Variants in TGFBR3 observed in about 807,000 individuals in gnomAD.
TGFBR3 encodes transforming growth factor beta receptor 3, also known as transforming growth factor beta receptor type 3.
A neutral mutation model predicts 87.9 loss-of-function variants in TGFBR3; 46 were observed. The observed-to-expected ratio is 0.52, with a 90% CI of 0.41 to 0.67. The LOEUF (loss-of-function observed/expected upper bound fraction) is 0.67. Ranked by LOEUF, TGFBR3 falls within the 30% of genes least tolerant of loss-of-function variation. TGFBR3 has a pLI of 0.00. For missense variants in TGFBR3, 866 were observed against 1,041.9 expected, an observed-to-expected ratio of 0.83 and a Z score of 2.32; for synonymous variants, 381 against 391.6, an observed-to-expected ratio of 0.97 and a Z score of 0.32.
intron 4 of TGFBR3, chr1:91,755,202 G>C (rs1673696155): frequency 6.6e-6 from 1 of 152,020 alleles, no homozygotes; most frequent in Admixed American, 6.5e-5. Flanking sequence ...TATACAAATG[G>C]ATAAAGAGAA....
intron 2 of TGFBR3, among the ~76,000 whole-genome samples, chr1:91,841,537 G>A (rs1677280755): frequency 6.6e-6 from 1 of 152,078 alleles, no homozygotes; most frequent in African/African-American, 2.4e-5. Flanking sequence ...GCTTACACCT[G>A]TAATCCCAGC....
intron 15 of TGFBR3, among the ~76,000 whole-genome samples, chr1:91,696,470 T>C (rs528870521): frequency 1.4e-4 from 21 of 152,324 alleles, no homozygotes; most frequent in Middle Eastern, 3.4e-3. Flanking sequence ...TACTTCCCAG[T>C]GGGGAGTGAT....
intron 1 of TGFBR3, among the ~76,000 whole-genome samples, chr1:91,904,583 A>C: frequency 1.1e-5 from 1 of 89,586 alleles, no homozygotes; most frequent in South Asian, 3.4e-4. Flanking sequence ...TTTTTTTTTG[A>C]GGTGGAGTCT....
chr1:91,883,191 G>C (rs1025137898), intron 1 of TGFBR3, among the ~76,000 whole-genome samples: 3 of 152,072 alleles, frequency 2.0e-5, no homozygotes, highest in Non-Finnish European at 4.4e-5. Flanking sequence ...TTTTTAAAGA[G>C]ATGGGGGTCT....
chr1:91,779,358 C>T (rs898967158), intron 3 of TGFBR3, among the ~76,000 whole-genome samples: 2 of 152,076 alleles, frequency 1.3e-5, no homozygotes, highest in African/African-American at 4.8e-5. Flanking sequence ...ATGATTATGC[C>T]CACATGAGGA....
At chr1:91,694,030 CT>C (rs1671349211) in intron 16 of TGFBR3, among the ~76,000 whole-genome samples, 2 of 152,296 alleles carry the variant, frequency 1.3e-5, no homozygotes, top group South Asian at 2.1e-4. Flanking sequence ...GAGACAACTT[CT>C]CTCTCTGTCG....
chr1:91,814,568 A>G (rs1306797821), intron 2 of TGFBR3, among the ~76,000 whole-genome samples: 2 of 152,150 alleles, frequency 1.3e-5, no homozygotes, highest in Admixed American at 1.3e-4. Context: ...ACAACTGACA[A>G]CCACAAGACA....
At chr1:91,741,630 GAGCCCCAGCCACCAGTC>G (rs1044380701) in intron 4 of TGFBR3, among the ~76,000 whole-genome samples, 1 of 152,086 alleles carries the variant, frequency 6.6e-6, no homozygotes, top group Non-Finnish European at 1.5e-5. Flanking sequence ...GGCTATCCAG[GAGCCCCAGCCACCAGTC>G]ATCTCACCAG....
chr1:91,684,473 T>C (rs1422638497), intron 16 of TGFBR3, among the ~76,000 whole-genome samples: 1 of 152,168 alleles, frequency 6.6e-6, no homozygotes, highest in Non-Finnish European at 1.5e-5. Flanking sequence ...GGTTTAGCTG[T>C]TTGCACATGG....
At chr1:91,865,322 A>G (rs1387608968) in intron 1 of TGFBR3, among the ~76,000 whole-genome samples, 2 of 150,756 alleles carry the variant, frequency 1.3e-5, no homozygotes, top group Admixed American at 1.3e-4. Context: ...AAAAAAAAAA[A>G]GTAGAAATAC....
At chr1:91,710,657 C>T (rs1571429202) in intron 13 of TGFBR3, among the ~76,000 whole-genome samples, 1 of 152,186 alleles carries the variant, frequency 6.6e-6, no homozygotes, top group Non-Finnish European at 1.5e-5. Context: ...AACAGCTCAT[C>T]CAAGCCTCTG....
chr1:91,727,272 C>T (rs555802208), intron 7 of TGFBR3, among the ~76,000 whole-genome samples: 44 of 152,326 alleles, frequency 2.9e-4, no homozygotes, highest in Admixed American at 5.2e-4. Context: ...AGCTGATATT[C>T]GGTACTATGA....
At chr1:91,904,966 C>T (rs1679814074) in intron 1 of TGFBR3, among the ~76,000 whole-genome samples, 1 of 152,144 alleles carries the variant, frequency 6.6e-6, no homozygotes. Flanking sequence ...TCCCAAAATG[C>T]TGGGATTACA....
At chr1:91,843,055 A>G (rs754559605) in intron 2 of TGFBR3, among the ~76,000 whole-genome samples, 1 of 152,228 alleles carries the variant, frequency 6.6e-6, no homozygotes, top group Non-Finnish European at 1.5e-5. Context: ...TTTAACAGCA[A>G]CATTATATTT....
At chr1:91,750,726 A>G (rs1358041507) in intron 4 of TGFBR3, among the ~76,000 whole-genome samples, 1 of 152,130 alleles carries the variant, frequency 6.6e-6, no homozygotes, top group Non-Finnish European at 1.5e-5. Context: ...GCAAAACACA[A>G]ACTGGTATAT....
intron 3 of TGFBR3, among the ~76,000 whole-genome samples, chr1:91,770,188 C>T (rs1674326643): frequency 6.6e-6 from 1 of 151,564 alleles, no homozygotes; most frequent in African/African-American, 2.4e-5. Context: ...TATCAAGTTA[C>T]CCTGCCCATG....
At chr1:91,899,550 T>C (rs999773097) in intron 2 of TGFBR3, 1 of 151,772 alleles carries the variant, frequency 6.6e-6, no homozygotes, top group Non-Finnish European at 1.5e-5. Context: ...AGCACTTAGA[T>C]AGATGGCTCA....
At chr1:91,692,014 A>G (rs997363791) in intron 16 of TGFBR3, among the ~76,000 whole-genome samples, 4 of 152,222 alleles carry the variant, frequency 2.6e-5, no homozygotes, top group African/African-American at 9.6e-5. Context: ...AAAAAAAGAA[A>G]AAAAAGAAAA....
chr1:91,764,492 C>T (rs1674098637), intron 3 of TGFBR3, among the ~76,000 whole-genome samples: 1 of 151,958 alleles, frequency 6.6e-6, no homozygotes. Context: ...CAGGTCATGA[C>T]CTTCTAAAGG....
Sources: allele counts gnomAD v4.1 joint callset (sites outside exome capture counted in the v4.1 genomes callset), GRCh38; gene constraint gnomAD v4.1.1; transcripts MANE v1.5; gene names NCBI Gene and HGNC (gene_info 2026-07-23, HGNC 2026-07-21).